The following CAMKK2 variants were observed in gnomAD, a reference collection of about 807,000 sequenced individuals.
CAMKK2 encodes the protein calcium/calmodulin-dependent protein kinase kinase 2.
CAMKK2 carries 30 observed loss-of-function variants against 67.2 expected under a neutral mutation model. The observed-to-expected ratio is 0.45, with a 90% CI of 0.33 to 0.61. CAMKK2 has a LOEUF of 0.61. Ranked by LOEUF, CAMKK2 falls within the 20% of genes least tolerant of loss-of-function variation. The pLI is 0.02. For synonymous variants in CAMKK2, 322 were observed against 326.2 expected (o/e 0.99, Z 0.14); for missense variants, 643 against 802.0 (o/e 0.80, Z 2.39).
chr12:121,288,440 C>T (rs1899234658), intron 1 of CAMKK2, among the ~76,000 whole-genome samples: 2 of 152,182 alleles, frequency 1.3e-5, no homozygotes, highest in Non-Finnish European at 2.9e-5. Context: ...GGCCCAACGT[C>T]CCCACACCTG....
chr12:121,240,324 G>A lies in CAMKK2; in HGVS notation c.*375C>T. The A allele has an allele frequency of 3.9e-6, 4 of 1,035,926 alleles. No homozygotes were observed. The highest frequency in any genetic ancestry group is 1.7e-5 in the South Asian group (1 of 60,576). 64.2% of individuals were successfully genotyped at this position (1,035,926 alleles called of 1,614,324 possible). On this transcript the variant is annotated 3_prime_UTR_variant, in exon 17 of 17. Transcript: ENST00000404169. This position sits in a 1 kb window ranked among gnomAD's most constrained non-coding sequence, Gnocchi z 4.4. ...CTCAGACCGCCGGAGTTTTCTGCTC[G>A]CCTTTCCACAGTTGTCAAACCCCAC...
At chr12:121,281,043 G>C (rs1897682874) in intron 1 of CAMKK2, among the ~76,000 whole-genome samples, 1 of 152,176 alleles carries the variant, frequency 6.6e-6, no homozygotes, top group African/African-American at 2.4e-5. Flanking sequence ...GGTTTTTGTG[G>C]CTTGTGGGGC....
intron 1 of CAMKK2, among the ~76,000 whole-genome samples, chr12:121,277,586 C>T (rs996673602): frequency 9.2e-5 from 14 of 152,272 alleles, no homozygotes; most frequent in East Asian, 3.9e-4. Flanking sequence ...ACAACACAGA[C>T]GAACCGTGAA....
chr12:121,255,370 A>ATATATAATTTTT (rs1566060410), intron 9 of CAMKK2, among the ~76,000 whole-genome samples, 180 bp downstream of exon 9: 6 of 29,744 alleles, frequency 2.0e-4, no homozygotes, highest in Non-Finnish European at 1.7e-4. Context: ...ATATAATTTT[A>ATATATAATTTTT]TATATATAAT....
Position 121,274,478 on chromosome 12 carries a change from G to T in CAMKK2, c.49C>A (p.Gln17Lys). 6.2e-7 allele frequency: 1 copy of T among 1,612,550 alleles called. No homozygotes were observed. The highest frequency in any genetic ancestry group is 1.1e-5 in the South Asian group (1 of 91,058). ...SQPSSNRAAP[Q>K]DELGGRGSSS... is the part of the protein sequence containing the mutation. ...CTGCCCCTGCCCCCCAGCTCATCCT[G>T]GGGGGCGGCCCGGTTGCTGCTGGGC... Residue 17 changes from glutamine to lysine, a missense_variant, in exon 2 of 17, where the codon CAG becomes AAG. Around this residue, in one of 3 missense-constraint regions of CAMKK2, gnomAD observed 483 missense variants for 625.8 expected, o/e 0.77. Coordinates refer to ENST00000404169, the MANE Select transcript of CAMKK2 (RefSeq NM_001270485.2).
intron 2 of CAMKK2, among the ~76,000 whole-genome samples, chr12:121,273,172 G>A (rs1308095446): frequency 6.6e-6 from 1 of 152,134 alleles, no homozygotes; most frequent in East Asian, 1.9e-4. Flanking sequence ...GCTGGAGGGT[G>A]CTTTAGGGAT....
chr12:121,244,786 G>A (rs904514917), intron 15 of CAMKK2, among the ~76,000 whole-genome samples, 171 bp from the exon 16 acceptor site: 2 of 152,218 alleles, frequency 1.3e-5, no homozygotes, highest in Non-Finnish European at 2.9e-5. Flanking sequence ...TGGACACACA[G>A]GGTCCTGAGT....
intron 5 of CAMKK2, among the ~76,000 whole-genome samples, chr12:121,268,100 A>ATATATATAT (rs1895001844): frequency 1.4e-5 from 2 of 143,438 alleles, no homozygotes; most frequent in African/African-American, 2.6e-5. Context: ...ATATATATAT[A>ATATATATAT]CTCTATTCAT....
upstream of CAMKK2, chr12:121,297,338 G>C (rs1189821120): frequency 6.3e-6 from 2 of 318,684 alleles, no homozygotes; most frequent in Non-Finnish European, 1.3e-5. Flanking sequence ...CACCGACTCG[G>C]GGGAGCCCCC....
chr12:121,250,814 G>A (rs957561975), intron 11 of CAMKK2, among the ~76,000 whole-genome samples: 1 of 152,194 alleles, frequency 6.6e-6, no homozygotes, highest in Non-Finnish European at 1.5e-5. Flanking sequence ...TGAATTAATG[G>A]ATACTTGAAT....
intron 2 of CAMKK2, among the ~76,000 whole-genome samples, chr12:121,273,054 G>A (rs145464912): frequency 3.2e-4 from 48 of 152,252 alleles, no homozygotes; most frequent in Middle Eastern, 3.4e-3. Context: ...TGGAGCTTAC[G>A]TTCTGGCTGG....
rs771674113 is a variant in CAMKK2 at position 121,249,782 on chromosome 12, G to T, written c.1323+5C>A. 1 of 1,613,624 alleles carries T rather than the reference G, an allele frequency of 6.2e-7. No individual in the cohort carries two copies. Among genetic ancestry groups the T allele is most frequent in the Non-Finnish European group, 8.5e-7 (1 of 1,179,584 alleles). On this transcript the variant is annotated splice_donor_5th_base_variant and intron_variant, in intron 13 of 16. Transcript: ENST00000404169. ...AGCACGGGGCACAGGCTGAGCCAAG[G>T]GTACCTTGATTTCCGGCACCACGAT...
At chr12:121,250,278 C>G (rs2136198685) in intron 11 of CAMKK2, among the ~76,000 whole-genome samples, 1 of 152,326 alleles carries the variant, frequency 6.6e-6, no homozygotes, top group South Asian at 2.1e-4. Flanking sequence ...CCCAAGCACA[C>G]TGCAGGCTCC....
At position 121,285,107 on chromosome 12, in the gene CAMKK2, G is replaced by A. The variant is rs1898478137; in HGVS notation, c.-59-10522C>T. Among the ~76,000 whole-genome samples the A allele has an allele frequency of 6.6e-6, 1 of 152,206 alleles. No individual in the cohort carries two copies. The highest frequency in any genetic ancestry group is 1.5e-5 in the Non-Finnish European group (1 of 68,044). ...GGGAAGCCATCCCTCCATATGAGAG[G>A]TGGCCCTACAGGGCTGACCCCACCA... On this transcript the variant is annotated intron_variant, in intron 1 of 16. Transcript: ENST00000404169. The surrounding 1 kb of genome is among the most constrained non-coding windows in gnomAD (Gnocchi z 4.1).
In CAMKK2 at chr12:121,274,578, G is replaced by A. The variant is rs751854303; in HGVS notation, c.-52C>T. On this transcript the variant is annotated 5_prime_UTR_variant, in exon 2 of 17. Coordinates refer to ENST00000404169, the MANE Select transcript of CAMKK2 (RefSeq NM_001270485.2). ...CACTGGGGCACTCCCATCCGGCAGC[G>A]GAGCCACCTGCAGAAAGAGAAAGGG... 1.6e-5 allele frequency: 21 copies of A among 1,306,274 alleles called. No individual in the cohort carries two copies. The highest frequency in any genetic ancestry group is 4.0e-5 in the South Asian group (3 of 74,204). The allele number at this position is 1,306,274 out of a possible 1,614,324, so 80.9% of individuals were successfully genotyped here.
At chr12:121,270,040 T>C (rs565044279) in intron 3 of CAMKK2, among the ~76,000 whole-genome samples, 15 of 150,656 alleles carry the variant, frequency 1.0e-4, no homozygotes, top group Admixed American at 2.6e-4. Flanking sequence ...CACAGTGAAA[T>C]TCAGTCTCAA....
At position 121,249,961 on chromosome 12, in the gene CAMKK2, T is replaced by C. The variant is rs147402468; in HGVS notation, c.1235A>G (p.Gln412Arg). 4 of 1,613,888 alleles carry C rather than the reference T, an allele frequency of 2.5e-6. No homozygotes were observed. The highest frequency in any genetic ancestry group is 2.5e-6 in the Non-Finnish European group (3 of 1,179,956). The change falls in exon 12 of 17, where the codon CAG becomes CGG. Residue 412 changes from glutamine (Q) to arginine (R), a missense_variant and splice_region_variant. Transcript: ENST00000404169. ...ATGCGGGACGGCGGGAGATACTCAC[T>C]GGTCTGGAAATTCCAGGGCCTGACT... ...IKSQALEFPD[Q>R]PDIAEDLKDL... is the part of the protein sequence containing the mutation.
intron 1 of CAMKK2, among the ~76,000 whole-genome samples, chr12:121,286,036 G>A (rs1335256131): frequency 6.6e-6 from 1 of 152,198 alleles, no homozygotes; most frequent in Non-Finnish European, 1.5e-5. Context: ...ACACTGTTTA[G>A]GCACCTGGAT....
intron 9 of CAMKK2, among the ~76,000 whole-genome samples, chr12:121,255,235 T>TATATATATATAATTTTATATATATAA (rs1403218346): frequency 2.2e-3 from 11 of 5,108 alleles, no homozygotes; most frequent in Non-Finnish European, 3.7e-3. Context: ...TATATATAAT[T>TATATATATATAATTTTATATATATAA]TTATATATAT....
Sources: allele counts gnomAD v4.1 joint callset (sites outside exome capture counted in the v4.1 genomes callset), GRCh38; gene constraint gnomAD v4.1.1; regional missense constraint gnomAD v4.1.1; non-coding constraint Gnocchi (gnomAD v3.1); transcripts MANE v1.5; gene names NCBI Gene and HGNC (gene_info 2026-07-23, HGNC 2026-07-21).